The following DAO variants were observed in gnomAD, a reference collection of about 807,000 sequenced individuals.
The protein encoded by DAO is D-amino-acid oxidase.
In DAO, 51 loss-of-function variants were observed where a neutral mutation model predicts 50.1. That is an observed-to-expected ratio of 1.02 (90% CI 0.81 to 1.29). The LOEUF (loss-of-function observed/expected upper bound fraction) is 1.29, where lower values mean the gene tolerates loss of function less well. Among genes scored for constraint, DAO ranks in the 50% most tolerant of loss-of-function variants. The pLI is 0.00. For synonymous variants in DAO, 160 were observed against 166.2 expected, an observed-to-expected ratio of 0.96 and a Z score of 0.29; for missense variants, 436 against 439.4, an observed-to-expected ratio of 0.99 and a Z score of 0.07.
In DAO at chr12:108,893,115, T is replaced by A. The variant is rs1377948581; in HGVS notation, c.507+79T>A. 8 of 1,353,768 alleles carry A rather than the reference T, an allele frequency of 5.9e-6. No individual in the cohort carries two copies. In the East Asian group the frequency reaches 1.9e-4, roughly 32 times the overall value. 83.9% of individuals were successfully genotyped at this position (1,353,768 alleles called of 1,614,324 possible). A position where few individuals can be genotyped will look rare whatever the true frequency, so the allele number is the denominator to read the frequency against. On this transcript the variant is annotated intron_variant, in intron 6 of 10. Coordinates refer to ENST00000228476, the MANE Select transcript of DAO (RefSeq NM_001917.5). The stretch of plus-strand genomic sequence containing the variant: ...TGCTTCTTGCTGCTGAGTCGGGGGC[T>A]CCCTTCTCAGGCTCCTAGGGTCCCC...
rs1016348077 is a variant in DAO at position 108,884,995 on chromosome 12, C to G, written c.-9-3C>G. ...GTTGTGCCTCAACCCTTCCTTCCCA[C>G]AGGCTGCTGCAATGCGTGTGGTGGT... On this transcript the variant is annotated splice_region_variant and splice_polypyrimidine_tract_variant and intron_variant, in intron 1 of 10. Coordinates refer to ENST00000228476, the MANE Select transcript of DAO (RefSeq NM_001917.5). 1.3e-5 allele frequency: 21 copies of G among 1,613,928 alleles called. No homozygotes were observed. Among genetic ancestry groups the G allele is most frequent in the Non-Finnish European group, 1.7e-5 (20 of 1,179,946 alleles).
chr12:108,883,701 C>T (rs1177146591), intron 1 of DAO: 1 of 433,512 alleles, frequency 2.3e-6, no homozygotes, highest in Admixed American at 2.5e-5. Flanking sequence ...CCAAGGGTCC[C>T]TGAGAGGGGC....
intron 7 of DAO, among the ~76,000 whole-genome samples, chr12:108,896,031 C>CT (rs1367466756): frequency 7.7e-6 from 1 of 129,262 alleles, no homozygotes; most frequent in African/African-American, 3.2e-5. Context: ...TATACATTTT[C>CT]TTTAAAAAAA....
chr12:108,889,235 A>G (rs1185951869), intron 3 of DAO, among the ~76,000 whole-genome samples: 1 of 151,906 alleles, frequency 6.6e-6, no homozygotes, highest in African/African-American at 2.4e-5. Context: ...TCTCCTGAGT[A>G]TCTAGGATTA....
intron 7 of DAO, 136 bp downstream of exon 7, chr12:108,894,503 A>G (rs2039526133): frequency 5.6e-6 from 4 of 715,616 alleles, no homozygotes; most frequent in South Asian, 1.7e-5. Flanking sequence ...ATTGACATGT[A>G]AAAAAAACAA....
At chr12:108,884,219 C>A (rs1225252763) in intron 1 of DAO, among the ~76,000 whole-genome samples, 1 of 152,248 alleles carries the variant, frequency 6.6e-6, no homozygotes, top group Non-Finnish European at 1.5e-5. Flanking sequence ...TAGCTGCCAG[C>A]CTGGCACATG....
chr12:108,899,513 A>T lies in DAO; in HGVS notation c.912+38A>T, dbSNP rs771006214. The T allele has an allele frequency of 5.2e-6, 8 of 1,535,816 alleles. No homozygotes were observed. The South Asian group carries it at 8.0e-5, about 15-fold the overall frequency. On this transcript the variant is annotated intron_variant, in intron 10 of 10. Transcript: ENST00000228476. Reference sequence around the variant, plus strand: ...GGCAAGGAAAGTAATGCCCTCTTCCACTCCTCAGATGGCTCTGGCATTTTC... The same window carrying T: ...GGCAAGGAAAGTAATGCCCTCTTCCTCTCCTCAGATGGCTCTGGCATTTTC...
At chr12:108,892,922 C>T in intron 5 of DAO, 60 bp from the exon 6 acceptor site, 2 of 1,517,520 alleles carry the variant, frequency 1.3e-6, no homozygotes, top group Non-Finnish European at 1.8e-6. Context: ...GTGCCACCCT[C>T]TTGGTGGGAT....
intron 3 of DAO, 58 bp downstream of exon 3, chr12:108,887,622 T>C: frequency 7.9e-7 from 1 of 1,268,118 alleles, no homozygotes; most frequent in Non-Finnish European, 1.2e-6. Context: ...GTAGTGAGGG[T>C]GGGTGCAGCA....
intron 1 of DAO, 85 bp from the exon 2 acceptor site, chr12:108,884,912 TA>T: frequency 7.7e-7 from 1 of 1,295,042 alleles, no homozygotes; most frequent in Non-Finnish European, 1.1e-6. Context: ...TGGCACCTTC[TA>T]AGCCTTCAGT....
chr12:108,900,537 G>C lies in DAO; in HGVS notation c.*2G>C. On this transcript the variant is annotated 3_prime_UTR_variant, in exon 11 of 11. Transcript: ENST00000228476. Reference sequence around the variant, plus strand: ...AGAATGCCACCATCCCACCTCTGAAGACTCCAGTGACTGCTGCCTCCCCCC... The same window carrying C: ...AGAATGCCACCATCCCACCTCTGAACACTCCAGTGACTGCTGCCTCCCCCC... 6.2e-7 allele frequency: 1 copy of C among 1,613,816 alleles called. No homozygotes were observed. Among genetic ancestry groups the C allele is most frequent in the Non-Finnish European group, 8.5e-7 (1 of 1,179,848 alleles).
At chr12:108,882,917 G>A (rs535073767) in intron 1 of DAO, among the ~76,000 whole-genome samples, 2 of 152,124 alleles carry the variant, frequency 1.3e-5, no homozygotes, top group Admixed American at 1.3e-4. Context: ...GGAGGCTGAG[G>A]GGGGAGGATT....
chr12:108,885,963 A>C (rs1208476219), intron 2 of DAO, among the ~76,000 whole-genome samples: 1 of 152,102 alleles, frequency 6.6e-6, no homozygotes, highest in African/African-American at 2.4e-5. Context: ...TGTTGGCCAG[A>C]CTGGTCTCGA....
intron 4 of DAO, 79 bp downstream of exon 4, chr12:108,889,624 G>A: frequency 1.7e-6 from 2 of 1,153,114 alleles, no homozygotes; most frequent in South Asian, 2.5e-5. Context: ...AGAGGGTAGA[G>A]GCACCAGATT....
chr12:108,898,713 T>G lies in DAO; in HGVS notation c.730T>G (p.Leu244Val). ...QTVTLGGIFQLGNWSELNNIQ... is the reference protein window; with the variant it reads ...QTVTLGGIFQVGNWSELNNIQ... ...AGTTACTCTTGGAGGCATCTTCCAG[T>G]TGGGAAACTGGAGTGAACTAAACAA... The change falls in exon 9 of 11, where the codon TTG becomes GTG. Residue 244 changes from leucine (L) to valine (V), a missense_variant. Leu to Val is a conservative substitution (Grantham distance 32, BLOSUM62 1). Coordinates refer to ENST00000228476, the MANE Select transcript of DAO (RefSeq NM_001917.5). 1 of 1,613,936 alleles carries G rather than the reference T, an allele frequency of 6.2e-7. No homozygotes were observed. The highest frequency in any genetic ancestry group is 8.5e-7 in the Non-Finnish European group (1 of 1,179,880).
At chr12:108,883,504 A>G in intron 1 of DAO, 1 of 396,054 alleles carries the variant, frequency 2.5e-6, no homozygotes. Flanking sequence ...TCAAAATGCT[A>G]GGAGACAGGA....
chr12:108,885,585 G>A (rs1403633362), intron 2 of DAO, among the ~76,000 whole-genome samples: 1 of 152,134 alleles, frequency 6.6e-6, no homozygotes, highest in Non-Finnish European at 1.5e-5. Context: ...ACTCGTGACA[G>A]AGTGAGACTC....
chr12:108,897,800 A>T (rs2137366913), intron 8 of DAO, among the ~76,000 whole-genome samples: 1 of 152,238 alleles, frequency 6.6e-6, no homozygotes, highest in Admixed American at 6.5e-5. Flanking sequence ...TACAAAAATT[A>T]GCCGGGCGTG....
chr12:108,891,242 A>T (rs181601863), intron 5 of DAO, among the ~76,000 whole-genome samples: 4 of 152,112 alleles, frequency 2.6e-5, no homozygotes, highest in Admixed American at 6.6e-5. Flanking sequence ...TGAGCCCAGG[A>T]GTTCAAGACC....
Sources: gnomAD v4.1 joint callset for allele counts (sites outside exome capture counted in the v4.1 genomes callset) on GRCh38, gnomAD v4.1.1 for gene constraint, MANE v1.5 for transcripts, NCBI Gene and HGNC (gene_info 2026-07-23, HGNC 2026-07-21) for gene names.